ADAM9: variants seen among roughly 807,000 people sequenced by gnomAD.
ADAM9 encodes the protein ADAM metallopeptidase domain 9, also known as disintegrin and metalloproteinase domain-containing protein 9.
In ADAM9, 54 loss-of-function variants were observed where a neutral mutation model predicts 108.1. The ratio of observed to expected loss-of-function variants is 0.50; its 90% CI spans 0.40 to 0.63. ADAM9 has a LOEUF of 0.63. Among genes scored for constraint, ADAM9 ranks in the 20% least tolerant of loss-of-function variants. ADAM9 has a pLI of 0.00. For missense variants in ADAM9, 830 were observed against 997.7 expected (o/e 0.83, Z 2.26); for synonymous variants, 316 against 336.0 (o/e 0.94, Z 0.65).
intron 15 of ADAM9, among the ~76,000 whole-genome samples, chr8:39,074,719 T>G (rs549721763): frequency 2.6e-5 from 4 of 152,230 alleles, no homozygotes; most frequent in African/African-American, 9.6e-5. Flanking sequence ...GTTATGTCAC[T>G]TAAGTCACTT....
intron 15 of ADAM9, among the ~76,000 whole-genome samples, chr8:39,076,440 G>C (rs1280750895): frequency 6.6e-6 from 1 of 152,192 alleles, no homozygotes; most frequent in African/African-American, 2.4e-5. Flanking sequence ...CGTGATGGGA[G>C]CTAGAATGGG....
At chr8:39,038,745 C>A (rs868784880) in intron 11 of ADAM9, among the ~76,000 whole-genome samples, 22 of 152,044 alleles carry the variant, frequency 1.4e-4, no homozygotes, top group African/African-American at 5.1e-4. Flanking sequence ...AGGACTCCTC[C>A]CCACAATATT....
chr8:39,099,067 C>T (rs1454564955), intron 20 of ADAM9, among the ~76,000 whole-genome samples: 1 of 151,950 alleles, frequency 6.6e-6, no homozygotes, highest in Non-Finnish European at 1.5e-5. Context: ...TTTTAGTTCC[C>T]CATCTATCAG....
intron 5 of ADAM9, among the ~76,000 whole-genome samples, chr8:39,016,460 T>A (rs1196445570): frequency 1.3e-5 from 2 of 152,242 alleles, no homozygotes; most frequent in Non-Finnish European, 2.9e-5. Flanking sequence ...AAATATACTT[T>A]AAATTTCTGT....
intron 12 of ADAM9, among the ~76,000 whole-genome samples, chr8:39,045,499 CATATGTGTGTGT>C (rs1837727011): frequency 2.6e-4 from 36 of 139,890 alleles, no homozygotes; most frequent in South Asian, 6.8e-4. Context: ...CGTGTGTATA[CATATGTGTGTGT>C]ACATACATAT....
intron 20 of ADAM9, among the ~76,000 whole-genome samples, chr8:39,100,562 AAGTGGACT>A (rs1474358057): frequency 6.6e-6 from 1 of 152,014 alleles, no homozygotes; most frequent in Non-Finnish European, 1.5e-5. Flanking sequence ...GTCATTCCAA[AAGTGGACT>A]TGATCCCTTT....
chr8:39,026,959 CTTTTT>C (rs376324160), intron 11 of ADAM9, 149 bp downstream of exon 11: 5 of 724,394 alleles, frequency 6.9e-6, no homozygotes, highest in Non-Finnish European at 8.4e-6. Flanking sequence ...AATGAGAAGT[CTTTTT>C]TTTTTTTTTT....
intron 5 of ADAM9, among the ~76,000 whole-genome samples, chr8:39,016,870 T>C (rs996683477): frequency 2.6e-5 from 4 of 152,218 alleles, no homozygotes; most frequent in Non-Finnish European, 4.4e-5. Context: ...AGAGGTTAAA[T>C]ACCTCGCTGA....
At chr8:39,074,434 T>C (rs1838791342) in intron 15 of ADAM9, among the ~76,000 whole-genome samples, 1 of 152,180 alleles carries the variant, frequency 6.6e-6, no homozygotes, top group Non-Finnish European at 1.5e-5. Context: ...CAAGACATTA[T>C]TAATGCCTTA....
intron 12 of ADAM9, among the ~76,000 whole-genome samples, chr8:39,045,588 A>ATATATATATAT (rs1564303183): frequency 1.3e-5 from 2 of 150,556 alleles, no homozygotes; most frequent in African/African-American, 4.9e-5. Flanking sequence ...ATATATATAT[A>ATATATATATAT]AAAGATTTTT....
Position 39,103,819 on chromosome 8 carries a change from A to G in ADAM9, c.*119A>G, listed in dbSNP as rs1198334827. On this transcript the variant is annotated 3_prime_UTR_variant, in exon 22 of 22. Transcript: ENST00000487273. ...ACTATGAATGAAAACAAAACACCAC[A>G]AAACAGACTTCACTAACACAGAAAA... The G allele has an allele frequency of 2.1e-6, 2 of 937,244 alleles. No homozygotes were observed. Among genetic ancestry groups the G allele is most frequent in the African/African-American group, 1.6e-5 (1 of 61,968 alleles). The allele number at this position is 937,244 out of a possible 1,614,324, so 58.1% of individuals were successfully genotyped here.
At chr8:39,006,264 G>A (rs1428943633) in intron 1 of ADAM9, among the ~76,000 whole-genome samples, 2 of 152,124 alleles carry the variant, frequency 1.3e-5, no homozygotes, top group African/African-American at 4.8e-5. Context: ...GAAATATAAG[G>A]GATTGATGGG....
At position 39,026,489 on chromosome 8, in the gene ADAM9, C is replaced by T. The variant is rs574273940; in HGVS notation, c.997-188C>T. On this transcript the variant is annotated intron_variant, in intron 10 of 21. Transcript: ENST00000487273. ...TCTTGCTTGAAGGATCCATGTCCATCACGTGTGTGATTCATGTTACTTTCT... is the reference window on the plus strand; with the variant it reads ...TCTTGCTTGAAGGATCCATGTCCATTACGTGTGTGATTCATGTTACTTTCT... Among the ~76,000 whole-genome samples, 5 of 152,280 alleles carry T rather than the reference C, an allele frequency of 3.3e-5. No homozygotes were observed. The East Asian group carries it at 9.6e-4, about 29-fold the overall frequency.
At chr8:39,026,888 C>T in intron 11 of ADAM9, 78 bp downstream of exon 11, 1 of 1,559,094 alleles carries the variant, frequency 6.4e-7, no homozygotes, top group South Asian at 1.1e-5. Flanking sequence ...ATATTCATGT[C>T]TACATTGGGA....
rs1193151198 is a variant in ADAM9 at position 39,104,004 on chromosome 8, T to A, written c.*304T>A. 1.8e-6 allele frequency: 1 copy of A among 543,238 alleles called. No individual in the cohort carries two copies. The allele number at this position is 543,238 out of a possible 1,614,324, so 33.7% of individuals were successfully genotyped here. ...TTTTTGAACATGTTATTGCAGTGATTCTCAAATTAACTGTATTGGTGTAAG... is the reference window on the plus strand; with the variant it reads ...TTTTTGAACATGTTATTGCAGTGATACTCAAATTAACTGTATTGGTGTAAG... On this transcript the variant is annotated 3_prime_UTR_variant, in exon 22 of 22. Coordinates refer to ENST00000487273, the MANE Select transcript of ADAM9 (RefSeq NM_003816.3).
At chr8:39,020,081 T>C (rs138649601) in intron 7 of ADAM9, among the ~76,000 whole-genome samples, 135 of 152,248 alleles carry the variant, frequency 8.9e-4, no homozygotes, top group African/African-American at 3.1e-3. Flanking sequence ...ATCAGGAGAT[T>C]GATACCATCC....
chr8:39,098,883 C>T (rs1383588377), intron 20 of ADAM9, among the ~76,000 whole-genome samples: 3 of 151,766 alleles, frequency 2.0e-5, no homozygotes, highest in East Asian at 1.9e-4. Context: ...GGGTTCCTAC[C>T]GAGAGTATTT....
At chr8:39,088,473 G>A (rs1839245857) in intron 18 of ADAM9, among the ~76,000 whole-genome samples, 3 of 151,956 alleles carry the variant, frequency 2.0e-5, no homozygotes, top group Non-Finnish European at 4.4e-5. Context: ...TAGCCAGGAT[G>A]GTCTCGATCT....
rs1216073045 is a variant in ADAM9, at chr8:39,077,390, C to T, written c.1860C>T (p.Gly620=). 1.2e-6 allele frequency: 2 copies of T among 1,612,832 alleles called. No homozygotes were observed. The highest frequency in any genetic ancestry group is 1.6e-4 in the Middle Eastern group (1 of 6,080). The change falls in exon 16 of 22, where the codon GGC becomes GGT. Residue 620 remains glycine, a synonymous_variant. Transcript: ENST00000487273. ...DVPDPGMVNE[G]TKCGAGKICR... ...CAGATCCTGGGATGGTTAACGAAGG[C>T]ACAAAATGTGGTGCTGGAAAGGTAA... is the stretch of plus-strand genomic sequence containing the variant.
Sources: allele counts gnomAD v4.1 joint callset (sites outside exome capture counted in the v4.1 genomes callset), GRCh38; gene constraint gnomAD v4.1.1; transcripts MANE v1.5; gene names NCBI Gene and HGNC (gene_info 2026-07-23, HGNC 2026-07-21).